The following PHACTR2 variants were observed in gnomAD, a reference collection of about 807,000 sequenced individuals.
The protein encoded by PHACTR2 is chromosome 6 open reading frame 56.
A neutral mutation model predicts 76.0 loss-of-function variants in PHACTR2; 30 were observed. The observed-to-expected ratio is 0.39, with a 90% CI of 0.30 to 0.54. PHACTR2 has a LOEUF of 0.54. Among genes scored for constraint, PHACTR2 ranks in the 20% least tolerant of loss-of-function variants. The probability of loss-of-function intolerance (pLI) is 0.61; values close to 1 mark genes in which losing one functional copy is unlikely to be tolerated. For synonymous variants in PHACTR2, 292 were observed against 292.5 expected (o/e 1.00, Z 0.02); for missense variants, 696 against 781.1 (o/e 0.89, Z 1.30).
chr6:143,749,595 T>C (rs533962613), intron 3 of PHACTR2, among the ~76,000 whole-genome samples: 3 of 152,318 alleles, frequency 2.0e-5, no homozygotes, highest in South Asian at 2.1e-4. Context: ...CTTTCTCTCA[T>C]GTAATTTTGC....
At position 143,793,602 on chromosome 6, in the gene PHACTR2, TTC is replaced by T. The variant is rs1454268300; in HGVS notation, c.1845+4694_1845+4695del. On this transcript the variant is annotated intron_variant, in intron 11 of 12. Coordinates refer to ENST00000440869, the MANE Select transcript of PHACTR2 (RefSeq NM_001100164.2). The surrounding 1 kb of genome is among the most constrained non-coding windows in gnomAD (Gnocchi z 4.4). Reference sequence around the variant, plus strand: ...CTGGAAGAAAATTAAGAGGTAGAATTTCTTTTAAATAGAAAAAATATTGGCCA... The same window carrying T: ...CTGGAAGAAAATTAAGAGGTAGAATTTTTTAAATAGAAAAAATATTGGCCA... Among the ~76,000 whole-genome samples, 1 of 152,134 alleles carries T rather than the reference TTC, an allele frequency of 6.6e-6. No individual in the cohort carries two copies. The highest frequency in any genetic ancestry group is 1.9e-4 in the East Asian group (1 of 5,194).
Position 143,754,013 on chromosome 6 carries a change from CAGAGG to C in PHACTR2, c.454+107_454+111del. 1.6e-6 allele frequency: 1 copy of C among 622,560 alleles called. No individual in the cohort carries two copies. Among genetic ancestry groups the C allele is most frequent in the Non-Finnish European group, 2.5e-6 (1 of 393,906 alleles). 38.6% of individuals were successfully genotyped at this position (622,560 alleles called of 1,614,324 possible). ...TAGTGACTCTAAAACCAGCAGTCTG[CAGAGG>C]AGAGGTTTACAAATAGAAAAAAGAA... On this transcript the variant is annotated intron_variant, in intron 4 of 12. Coordinates refer to ENST00000440869, the MANE Select transcript of PHACTR2 (RefSeq NM_001100164.2). This position sits in a 1 kb window ranked among gnomAD's most constrained non-coding sequence, Gnocchi z 6.2.
intron 1 of PHACTR2, among the ~76,000 whole-genome samples, chr6:143,552,270 C>T (rs562772604): frequency 6.3e-4 from 95 of 151,532 alleles, no homozygotes; most frequent in Middle Eastern, 6.8e-3. Flanking sequence ...CTAAGAGAAC[C>T]TAAAGAATAA....
rs1779129630 is a variant in PHACTR2, at chr6:143,749,030, T to C, written c.260T>C (p.Ile87Thr). The C allele has an allele frequency of 6.3e-7, 1 of 1,591,364 alleles. No individual in the cohort carries two copies. The highest frequency in any genetic ancestry group is 1.3e-5 in the African/African-American group (1 of 74,464). The change falls in exon 3 of 13, where the codon ATA becomes ACA. Residue 87 changes from isoleucine to threonine, a missense_variant. By Grantham distance (89) the Ile-to-Thr change is moderately conservative (BLOSUM62 -1). This residue lies in a region of PHACTR2 where 460 missense variants were observed against 450.9 expected (regional missense o/e 1.02). Transcript: ENST00000440869. ...ISTRQSREEL[I>T]RRGVLKELPD... is the part of the protein sequence containing the mutation. ...ACACGACAAAGTAGAGAGGAGCTGATAAGAAGGGGAGTGCTTAAGGAATTG... is the reference window on the plus strand; with the variant it reads ...ACACGACAAAGTAGAGAGGAGCTGACAAGAAGGGGAGTGCTTAAGGAATTG...
rs1397475566 is a variant in PHACTR2, at chr6:143,791,593, C to T, written c.1845+2683C>T. On this transcript the variant is annotated intron_variant, in intron 11 of 12. Coordinates refer to ENST00000440869, the MANE Select transcript of PHACTR2 (RefSeq NM_001100164.2). This position sits in a 1 kb window ranked among gnomAD's most constrained non-coding sequence, Gnocchi z 4.7. The stretch of plus-strand genomic sequence containing the variant: ...GTGCAAATTTTCCTGTAAGATCAAT[C>T]TTGCTAGTTCTATTCAGATTTCTGT... Among the ~76,000 whole-genome samples the T allele has an allele frequency of 6.6e-6, 1 of 152,100 alleles. No individual in the cohort carries two copies. Among genetic ancestry groups the T allele is most frequent in the Non-Finnish European group, 1.5e-5 (1 of 68,020 alleles).
chr6:143,633,101 TTC>T lies in PHACTR2; in HGVS notation c.13+24780_13+24781del, dbSNP rs1776393196. On this transcript the variant is annotated intron_variant, in intron 1 of 11. Coordinates refer to the PHACTR2 transcript ENST00000305766. The surrounding 1 kb of genome is among the most constrained non-coding windows in gnomAD (Gnocchi z 4.1). ...GCAGGGCTTTTTGCTGACATAATCT[TTC>T]AGCCGATTTGGTTAAATACCAAGGC... Among the ~76,000 whole-genome samples, 1 of 152,236 alleles carries T rather than the reference TTC, an allele frequency of 6.6e-6. No individual in the cohort carries two copies. The highest frequency in any genetic ancestry group is 2.4e-5 in the African/African-American group (1 of 41,468).
chr6:143,757,503 C>T lies in PHACTR2; in HGVS notation c.455-2898C>T, dbSNP rs964667843. Among the ~76,000 whole-genome samples, 1 of 152,182 alleles carries T rather than the reference C, an allele frequency of 6.6e-6. No homozygotes were observed. The highest frequency in any genetic ancestry group is 1.5e-5 in the Non-Finnish European group (1 of 68,030). ...GGTGAGGACCACATGCAGCCCCAGGCTTGTTCTAAGTATCGTTGACCTCAA... is the reference window on the plus strand; with the variant it reads ...GGTGAGGACCACATGCAGCCCCAGGTTTGTTCTAAGTATCGTTGACCTCAA... On this transcript the variant is annotated intron_variant, in intron 4 of 12. Transcript: ENST00000440869. The surrounding 1 kb of genome is among the most constrained non-coding windows in gnomAD (Gnocchi z 4.2).
At chr6:143,666,353 T>C (rs1020026485) in intron 1 of PHACTR2, among the ~76,000 whole-genome samples, 1 of 152,222 alleles carries the variant, frequency 6.6e-6, no homozygotes, top group Admixed American at 6.5e-5. Context: ...TGCATGTGTC[T>C]TTATAGCAGC....
rs572386547 is a variant in PHACTR2, at chr6:143,731,575, C to T, written c.215-17410C>T. Reference sequence around the variant, plus strand: ...GTGCTGGGATTACAGGCATGAGCTACGGCGCCCAGCCAGCCCCACTGTGTT... The same window carrying T: ...GTGCTGGGATTACAGGCATGAGCTATGGCGCCCAGCCAGCCCCACTGTGTT... On this transcript the variant is annotated intron_variant, in intron 2 of 12. Transcript: ENST00000440869. This position sits in a 1 kb window ranked among gnomAD's most constrained non-coding sequence, Gnocchi z 4.9. Among the ~76,000 whole-genome samples, 36 of 152,186 alleles carry T rather than the reference C, an allele frequency of 2.4e-4. No homozygotes were observed. The highest frequency in any genetic ancestry group is 4.4e-4 in the Non-Finnish European group (30 of 68,004).
At chr6:143,577,405 C>G (rs72999505) in intron 1 of PHACTR2, among the ~76,000 whole-genome samples, 43,212 of 151,700 alleles carry the variant, frequency 0.28, 6,154 homozygotes, top group South Asian at 0.4. Flanking sequence ...AGGACCCTAG[C>G]AGTTAAAAAG....
At chr6:143,606,143 T>G (rs1254591840), upstream of PHACTR2, among the ~76,000 whole-genome samples, 1 of 152,212 alleles carries the variant, frequency 6.6e-6, no homozygotes, top group Non-Finnish European at 1.5e-5. Context: ...ACCTATAATA[T>G]TAAACATTTC....
intron 2 of PHACTR2, among the ~76,000 whole-genome samples, chr6:143,745,425 G>T (rs148151491): frequency 6.6e-6 from 1 of 152,206 alleles, no homozygotes; most frequent in Non-Finnish European, 1.5e-5. Context: ...GCCTTAAAGT[G>T]AGCATCTTCC....
chr6:143,700,176 TTAA>T lies in PHACTR2; in HGVS notation c.47-11834_47-11832del, dbSNP rs1295248148. Among the ~76,000 whole-genome samples, 1 of 152,224 alleles carries T rather than the reference TTAA, an allele frequency of 6.6e-6. No homozygotes were observed. Among genetic ancestry groups the T allele is most frequent in the Non-Finnish European group, 1.5e-5 (1 of 68,054 alleles). On this transcript the variant is annotated intron_variant, in intron 1 of 12. Coordinates refer to ENST00000440869, the MANE Select transcript of PHACTR2 (RefSeq NM_001100164.2). This position sits in a 1 kb window ranked among gnomAD's most constrained non-coding sequence, Gnocchi z 4.1. ...ATTGGTCTAGATTTAATGTGTTATT[TTAA>T]TAATATTTGTGTTACATTCATCCTC...
chr6:143,772,240 C>A lies in PHACTR2; in HGVS notation c.1233-18C>A, dbSNP rs759261131. ...CTCTGAGCTTCACATCACTCCCATG[C>A]TTTTCTGCCTTTAACAGTTTCACAA... On this transcript the variant is annotated intron_variant, in intron 6 of 12. Transcript: ENST00000440869. This position sits in a 1 kb window ranked among gnomAD's most constrained non-coding sequence, Gnocchi z 5.4. 5 of 1,598,818 alleles carry A rather than the reference C, an allele frequency of 3.1e-6. No individual in the cohort carries two copies. The highest frequency in any genetic ancestry group is 3.3e-4 in the Middle Eastern group (2 of 6,016).
chr6:143,670,886 G>A (rs1480885967), intron 1 of PHACTR2, among the ~76,000 whole-genome samples: 1 of 151,514 alleles, frequency 6.6e-6, no homozygotes, highest in Admixed American at 6.6e-5. Flanking sequence ...TTCCCTTGCT[G>A]GCGAGGAGTT....
chr6:143,798,692 T>C lies in PHACTR2; in HGVS notation c.1846-8365T>C, dbSNP rs537659176. 2.0e-5 allele frequency among the ~76,000 whole-genome samples: 3 copies of C among 152,344 alleles called. No homozygotes were observed. In the East Asian group the frequency reaches 5.8e-4, roughly 29 times the overall value. ...TGTTTATGTGATGGATTATGTTTAT[T>C]GATTTGTGTATGTTGAACCAGCCTT... On this transcript the variant is annotated intron_variant, in intron 11 of 12. Coordinates refer to ENST00000440869, the MANE Select transcript of PHACTR2 (RefSeq NM_001100164.2).
At chr6:143,564,277 C>A in intron 1 of PHACTR2, among the ~76,000 whole-genome samples, 2 of 131,020 alleles carry the variant, frequency 1.5e-5, no homozygotes, top group Non-Finnish European at 1.6e-5. Context: ...GAGTGAGAAC[C>A]TGTCTCTAAA....
intron 1 of PHACTR2, among the ~76,000 whole-genome samples, chr6:143,632,740 A>C (rs1284512662): frequency 6.6e-6 from 1 of 152,178 alleles, no homozygotes; most frequent in African/African-American, 2.4e-5. Flanking sequence ...GATCTAAAAA[A>C]TCCTCTGTGC....
Position 143,621,798 on chromosome 6 carries a change from G to A in PHACTR2, c.13+13476G>A, listed in dbSNP as rs1055235110. 3.3e-5 allele frequency among the ~76,000 whole-genome samples: 5 copies of A among 152,100 alleles called. No individual in the cohort carries two copies. Among genetic ancestry groups the A allele is most frequent in the African/African-American group, 4.8e-5 (2 of 41,418 alleles). On this transcript the variant is annotated intron_variant, in intron 1 of 11. Transcript: ENST00000305766. This position sits in a 1 kb window ranked among gnomAD's most constrained non-coding sequence, Gnocchi z 4.1. ...ACCTACGTGGACTTTAAATCTTTGCGAACAGTAGCTCATTTCTTCCTCTCA... is the reference window on the plus strand; with the variant it reads ...ACCTACGTGGACTTTAAATCTTTGCAAACAGTAGCTCATTTCTTCCTCTCA...
Sources: gnomAD v4.1 joint callset for allele counts (sites outside exome capture counted in the v4.1 genomes callset) on GRCh38, gnomAD v4.1.1 for gene constraint, gnomAD v4.1.1 regional missense constraint, Gnocchi (gnomAD v3.1) non-coding constraint, MANE v1.5 for transcripts, NCBI Gene and HGNC (gene_info 2026-07-23, HGNC 2026-07-21) for gene names.